Variants in ANKS1B observed in about 807,000 individuals in gnomAD.
ANKS1B encodes the protein ankyrin repeat and sterile alpha motif domain containing 1B.
ANKS1B carries 36 observed loss-of-function variants against 148.3 expected under a neutral mutation model. The observed-to-expected ratio is 0.24, with a 90% CI of 0.19 to 0.32. The LOEUF (loss-of-function observed/expected upper bound fraction) is 0.32. Ranked by LOEUF, ANKS1B falls within the 10% of genes least tolerant of loss-of-function variation. The probability of loss-of-function intolerance (pLI) is 1.00; values close to 1 mark genes in which losing one functional copy is unlikely to be tolerated. For missense variants in ANKS1B, 1,157 were observed against 1,542.6 expected, an observed-to-expected ratio of 0.75 and a Z score of 4.19; for synonymous variants, 542 against 560.8, an observed-to-expected ratio of 0.97 and a Z score of 0.47.
chr12:99,776,127 A>C (rs1343766312), intron 6 of ANKS1B, among the ~76,000 whole-genome samples: 5 of 152,232 alleles, frequency 3.3e-5, no homozygotes, highest in Non-Finnish European at 7.3e-5. Flanking sequence ...TCATTTCAAA[A>C]TGGTGCTGTA....
chr12:98,939,221 G>T (rs1373295923), intron 17 of ANKS1B, among the ~76,000 whole-genome samples: 3 of 152,182 alleles, frequency 2.0e-5, no homozygotes, highest in African/African-American at 7.2e-5. Flanking sequence ...GTCAACATTG[G>T]ATTTTCTAGA....
chr12:99,788,862 G>C (rs2065296082), intron 4 of ANKS1B, among the ~76,000 whole-genome samples: 1 of 152,176 alleles, frequency 6.6e-6, no homozygotes, highest in Non-Finnish European at 1.5e-5. Context: ...GGTGGCCACA[G>C]GGAGAGTCTC....
chr12:98,886,020 G>C (rs1043961185), intron 17 of ANKS1B, among the ~76,000 whole-genome samples: 2 of 152,066 alleles, frequency 1.3e-5, no homozygotes, highest in Non-Finnish European at 2.9e-5. Context: ...AGGGAAAAGA[G>C]AGGAAGGAAA....
chr12:99,482,307 T>C (rs767121974), intron 10 of ANKS1B, among the ~76,000 whole-genome samples: 1 of 152,042 alleles, frequency 6.6e-6, no homozygotes, highest in Non-Finnish European at 1.5e-5. Flanking sequence ...AATTTATGTA[T>C]TTGTCTGCTT....
chr12:99,326,489 A>T (rs949281166), intron 12 of ANKS1B, among the ~76,000 whole-genome samples: 1 of 135,622 alleles, frequency 7.4e-6, no homozygotes, highest in East Asian at 2.0e-4. Flanking sequence ...TACCATTCTA[A>T]TTTCACTCCT....
At chr12:99,768,837 A>C (rs557643055) in intron 8 of ANKS1B, among the ~76,000 whole-genome samples, 147 of 149,922 alleles carry the variant, frequency 9.8e-4, no homozygotes, top group Admixed American at 1.7e-3. Context: ...AAAAAAAAAA[A>C]AAAAAAAAAA....
intron 1 of ANKS1B, among the ~76,000 whole-genome samples, chr12:99,842,888 T>C (rs932594391): frequency 1.3e-5 from 2 of 152,194 alleles, no homozygotes; most frequent in Admixed American, 6.6e-5. Context: ...AGCTTATTAA[T>C]TGCATAATTC....
chr12:98,871,839 C>A (rs1567370755), intron 17 of ANKS1B, among the ~76,000 whole-genome samples: 1 of 152,070 alleles, frequency 6.6e-6, no homozygotes, highest in Non-Finnish European at 1.5e-5. Context: ...TTAGCAATGA[C>A]AATGAATGTG....
At chr12:98,752,916 A>G (rs1453522004) in intron 25 of ANKS1B, among the ~76,000 whole-genome samples, 2 of 152,204 alleles carry the variant, frequency 1.3e-5, no homozygotes, top group African/African-American at 4.8e-5. Context: ...ACGAAACACA[A>G]TCAAAATCTA....
chr12:99,130,308 A>T (rs1299896017), intron 15 of ANKS1B, among the ~76,000 whole-genome samples: 1 of 152,160 alleles, frequency 6.6e-6, no homozygotes, highest in Non-Finnish European at 1.5e-5. Context: ...GGGAGAGTAA[A>T]ATTTAATTGA....
intron 10 of ANKS1B, among the ~76,000 whole-genome samples, chr12:99,501,089 G>GTT (rs77983761): frequency 4.3e-4 from 64 of 149,224 alleles, no homozygotes; most frequent in African/African-American, 1.4e-3. Context: ...ATTTCTAAAA[G>GTT]TTTTTTTTTT....
At chr12:99,220,366 C>A (rs2084906401) in intron 14 of ANKS1B, among the ~76,000 whole-genome samples, 1 of 150,524 alleles carries the variant, frequency 6.6e-6, no homozygotes, top group African/African-American at 2.4e-5. Flanking sequence ...TGAATAAATT[C>A]AGATACCTAA....
chr12:99,825,778 C>T lies in ANKS1B; in HGVS notation c.135-389G>A, dbSNP rs144346532. On this transcript the variant is annotated intron_variant, in intron 1 of 26. Coordinates refer to ENST00000683438, the MANE Select transcript of ANKS1B (RefSeq NM_001352186.2). ...CCTGCCTCATGCCTGTTAACACACT[C>T]CTTCTGAGGTGCCGGTGATTTATAT... Among the ~76,000 whole-genome samples, 118 of 152,238 alleles carry T rather than the reference C, an allele frequency of 7.8e-4. No homozygotes were observed. In the East Asian group the frequency reaches 0.021, roughly 27 times the overall value.
intron 15 of ANKS1B, among the ~76,000 whole-genome samples, chr12:99,122,884 T>C (rs1221173988): frequency 1.3e-5 from 2 of 151,836 alleles, no homozygotes; most frequent in Non-Finnish European, 2.9e-5. Context: ...CATGTGTCCT[T>C]TGCCAAGGCG....
At chr12:99,134,493 A>G (rs2153770219) in intron 15 of ANKS1B, among the ~76,000 whole-genome samples, 1 of 152,116 alleles carries the variant, frequency 6.6e-6, no homozygotes, top group South Asian at 2.1e-4. Flanking sequence ...GGAGGAGGAG[A>G]TAGAGAAGTG....
intron 14 of ANKS1B, among the ~76,000 whole-genome samples, chr12:99,157,399 C>T (rs2076181752): frequency 6.6e-6 from 1 of 152,180 alleles, no homozygotes; most frequent in Non-Finnish European, 1.5e-5. Flanking sequence ...GCTGATTGGC[C>T]AGCTCTTCAA....
intron 17 of ANKS1B, among the ~76,000 whole-genome samples, chr12:98,845,786 T>A (rs970770701): frequency 1.3e-5 from 2 of 151,964 alleles, no homozygotes; most frequent in African/African-American, 4.8e-5. Flanking sequence ...TGCTGCGTAT[T>A]AACATGACAA....
chr12:99,733,769 G>T (rs999534753), intron 8 of ANKS1B, among the ~76,000 whole-genome samples: 4 of 151,928 alleles, frequency 2.6e-5, no homozygotes, highest in Non-Finnish European at 5.9e-5. Flanking sequence ...CTTCTAGTTG[G>T]GGTGTTAAAT....
intron 4 of ANKS1B, among the ~76,000 whole-genome samples, chr12:99,784,216 G>GGCTGGAGTGCAGTGGCAC (rs2064733079): frequency 6.8e-6 from 1 of 147,842 alleles, no homozygotes. Flanking sequence ...CTGTGGCGCA[G>GGCTGGAGTGCAGTGGCAC]GCTGGAGTGC....
Sources: allele counts gnomAD v4.1 joint callset (sites outside exome capture counted in the v4.1 genomes callset), GRCh38; gene constraint gnomAD v4.1.1; transcripts MANE v1.5; gene names NCBI Gene and HGNC (gene_info 2026-07-23, HGNC 2026-07-21).